The following SEMA3C variants were observed in gnomAD, a reference collection of about 807,000 sequenced individuals.
SEMA3C encodes semaphorin-3C.
In SEMA3C, 47 loss-of-function variants were observed where a neutral mutation model predicts 89.4. The ratio of observed to expected loss-of-function variants is 0.53; its 90% CI spans 0.42 to 0.67. The LOEUF is 0.67. SEMA3C is among the 30% of genes least tolerant of loss of function. The probability of loss-of-function intolerance (pLI) is 0.00; values close to 1 mark genes in which losing one functional copy is unlikely to be tolerated. For synonymous variants in SEMA3C, 310 were observed against 320.2 expected (o/e 0.97, Z 0.34); for missense variants, 839 against 929.1 (o/e 0.90, Z 1.26).
intron 5 of SEMA3C, chr7:80,816,373 TC>T (rs1308257678): frequency 6.6e-6 from 1 of 152,116 alleles, no homozygotes; most frequent in Non-Finnish European, 1.5e-5. Flanking sequence ...AAAAATGTCA[TC>T]TCTTAATAAT....
chr7:80,859,569 C>T (rs1250446444), intron 2 of SEMA3C, among the ~76,000 whole-genome samples: 1 of 152,114 alleles, frequency 6.6e-6, no homozygotes, highest in East Asian at 1.9e-4. Flanking sequence ...AAACTGAATT[C>T]CATATGTTGA....
chr7:80,855,466 C>T (rs1247649098), intron 2 of SEMA3C, among the ~76,000 whole-genome samples: 1 of 152,052 alleles, frequency 6.6e-6, no homozygotes, highest in Non-Finnish European at 1.5e-5. Context: ...AGACAGGTCT[C>T]GCTATGTTGC....
chr7:80,906,388 T>C (rs971993235), intron 2 of SEMA3C, among the ~76,000 whole-genome samples: 3 of 152,196 alleles, frequency 2.0e-5, no homozygotes, highest in Admixed American at 1.3e-4. Flanking sequence ...TTCATCTCCA[T>C]AGCACAAATA....
At chr7:80,908,277 A>C (rs1328169542) in intron 2 of SEMA3C, among the ~76,000 whole-genome samples, 1 of 152,174 alleles carries the variant, frequency 6.6e-6, no homozygotes, top group Admixed American at 6.6e-5. Flanking sequence ...CTGTCTTAAA[A>C]TCTTCAGACC....
At chr7:80,879,617 A>C (rs1042583428) in intron 2 of SEMA3C, among the ~76,000 whole-genome samples, 2 of 152,184 alleles carry the variant, frequency 1.3e-5, no homozygotes, top group African/African-American at 4.8e-5. Context: ...TATAGAGTCT[A>C]TGTTACAGCC....
At chr7:80,869,564 A>C (rs1372580652) in intron 2 of SEMA3C, among the ~76,000 whole-genome samples, 1 of 152,200 alleles carries the variant, frequency 6.6e-6, no homozygotes, top group Non-Finnish European at 1.5e-5. Flanking sequence ...AAAGGAATTC[A>C]TATTTATTGA....
intron 2 of SEMA3C, among the ~76,000 whole-genome samples, chr7:80,839,521 C>A (rs1393144150): frequency 1.3e-5 from 2 of 152,068 alleles, no homozygotes; most frequent in Non-Finnish European, 2.9e-5. Flanking sequence ...ATTACACTGT[C>A]ATTAAAAATT....
intron 12 of SEMA3C, among the ~76,000 whole-genome samples, chr7:80,786,871 G>T: frequency 6.6e-6 from 1 of 152,266 alleles, no homozygotes; most frequent in South Asian, 2.1e-4. Flanking sequence ...TGGGAGATTG[G>T]ATTAACTGCT....
intron 2 of SEMA3C, among the ~76,000 whole-genome samples, chr7:80,863,735 T>G (rs1407016612): frequency 6.8e-6 from 1 of 146,900 alleles, no homozygotes; most frequent in African/African-American, 2.5e-5. Flanking sequence ...ATATATCACA[T>G]ATATAGTAGT....
At chr7:80,844,820 A>G (rs917904886) in intron 2 of SEMA3C, among the ~76,000 whole-genome samples, 1 of 152,146 alleles carries the variant, frequency 6.6e-6, no homozygotes, top group Non-Finnish European at 1.5e-5. Context: ...TCGACCATCA[A>G]TGAACCATGT....
intron 2 of SEMA3C, among the ~76,000 whole-genome samples, chr7:80,867,838 C>A (rs551364482): frequency 1.3e-5 from 2 of 152,174 alleles, no homozygotes; most frequent in African/African-American, 4.8e-5. Flanking sequence ...CCAGGAGAGA[C>A]TACAAATTGA....
At chr7:80,848,402 C>A (rs572550137) in intron 2 of SEMA3C, among the ~76,000 whole-genome samples, 1 of 152,052 alleles carries the variant, frequency 6.6e-6, no homozygotes, top group East Asian at 1.9e-4. Flanking sequence ...CTATCTAGTA[C>A]AAAACAGTAA....
At chr7:80,750,469 T>C (rs1041590621) in intron 16 of SEMA3C, among the ~76,000 whole-genome samples, 1,845 of 49,990 alleles carry the variant, frequency 0.037, 85 homozygotes, top group Middle Eastern at 0.088. Context: ...TATATATATA[T>C]ATATACACAC....
chr7:80,875,442 T>A (rs73374852), intron 2 of SEMA3C, among the ~76,000 whole-genome samples: 6,250 of 152,260 alleles, frequency 0.041, 328 homozygotes, highest in African/African-American at 0.13. Context: ...AAATTTATGA[T>A]TAACCAATTA....
chr7:80,822,779 T>C (rs1583911860), intron 4 of SEMA3C, among the ~76,000 whole-genome samples: 1 of 152,192 alleles, frequency 6.6e-6, no homozygotes, highest in East Asian at 1.9e-4. Context: ...AGAAATCATA[T>C]CTGGAAAATA....
chr7:80,890,627 C>G (rs547804711), intron 2 of SEMA3C, among the ~76,000 whole-genome samples: 3 of 152,248 alleles, frequency 2.0e-5, no homozygotes, highest in African/African-American at 7.2e-5. Flanking sequence ...CCCCAACTGG[C>G]TTGACACATG....
chr7:80,836,754 G>A (rs187627863), intron 2 of SEMA3C, among the ~76,000 whole-genome samples: 52 of 152,178 alleles, frequency 3.4e-4, no homozygotes, highest in Non-Finnish European at 6.0e-4. Context: ...TATCTCCCAC[G>A]CATTGCATCA....
intron 2 of SEMA3C, among the ~76,000 whole-genome samples, chr7:80,848,880 T>A (rs935455336): frequency 2.0e-5 from 3 of 152,146 alleles, no homozygotes; most frequent in Non-Finnish European, 2.9e-5. Flanking sequence ...TCATGGTGAT[T>A]TTGTTATAAA....
chr7:80,885,201 C>T (rs766894322), intron 2 of SEMA3C, among the ~76,000 whole-genome samples: 6 of 152,164 alleles, frequency 3.9e-5, no homozygotes, highest in Non-Finnish European at 7.4e-5. Context: ...CACCTGATGT[C>T]TGAAATCTAA....
Sources: gnomAD v4.1 joint callset for allele counts (sites outside exome capture counted in the v4.1 genomes callset) on GRCh38, gnomAD v4.1.1 for gene constraint, MANE v1.5 for transcripts, NCBI Gene and HGNC (gene_info 2026-07-23, HGNC 2026-07-21) for gene names.